CCDC7: variants seen among roughly 807,000 people sequenced by gnomAD.
CCDC7 encodes the protein coiled-coil domain-containing protein 7.
CCDC7 carries 183 observed loss-of-function variants against 196.9 expected under a neutral mutation model. The observed-to-expected ratio is 0.93, with a 90% CI of 0.82 to 1.05. The LOEUF is 1.05. Ranked by LOEUF, CCDC7 falls within the 50% of genes least tolerant of loss-of-function variation. CCDC7 has a pLI of 0.00. For synonymous variants in CCDC7, 525 were observed against 484.6 expected, an observed-to-expected ratio of 1.08 and a Z score of -1.10; for missense variants, 1,540 against 1,482.2, an observed-to-expected ratio of 1.04 and a Z score of -0.64.
At chr10:32,751,843 T>C (rs1055440341) in intron 28 of CCDC7, among the ~76,000 whole-genome samples, 2 of 152,150 alleles carry the variant, frequency 1.3e-5, no homozygotes, top group African/African-American at 2.4e-5. Flanking sequence ...TAGGATACTA[T>C]GGCAGTCGAA....
At chr10:32,613,847 G>A (rs1034426728) in intron 18 of CCDC7, among the ~76,000 whole-genome samples, 1 of 152,112 alleles carries the variant, frequency 6.6e-6, no homozygotes, top group Non-Finnish European at 1.5e-5. Flanking sequence ...GTGCAATATG[G>A]TGCTGAGAAG....
intron 31 of CCDC7, among the ~76,000 whole-genome samples, chr10:32,823,236 A>G (rs2090557096): frequency 6.6e-6 from 1 of 151,592 alleles, no homozygotes; most frequent in Admixed American, 6.6e-5. Context: ...TCCGCCTCCC[A>G]GGTTCAAGCA....
exon 23 of CCDC7, chr10:32,689,144 C>T (rs1464128206): frequency 1.3e-6 from 2 of 1,576,038 alleles, no homozygotes; most frequent in East Asian, 4.5e-5. Flanking sequence ...AAAGAACTCT[C>T]AAAGGGCAAA....
intron 32 of CCDC7, among the ~76,000 whole-genome samples, chr10:32,830,123 T>TATATATATATATATATATATATATGG (rs2091973539): frequency 8.0e-5 from 8 of 100,420 alleles, no homozygotes; most frequent in Non-Finnish European, 1.4e-4. Context: ...TATATAAGGA[T>TATATATATATATATATATATATATGG]ATATATATAT....
intron 41 of CCDC7, among the ~76,000 whole-genome samples, chr10:32,861,276 G>C (rs61856624): frequency 6.6e-6 from 1 of 152,130 alleles, no homozygotes; most frequent in Admixed American, 6.5e-5. Context: ...CACACATGTA[G>C]AACCATCTGA....
intron 16 of CCDC7, among the ~76,000 whole-genome samples, chr10:32,580,284 CT>C (rs2058617126): frequency 6.6e-6 from 1 of 152,108 alleles, no homozygotes; most frequent in African/African-American, 2.4e-5. Flanking sequence ...CATTTACAAA[CT>C]ATTTCTAAGC....
At chr10:32,456,422 T>G (rs897038569) in intron 3 of CCDC7, 88 bp downstream of exon 4, 16 of 1,031,554 alleles carry the variant, frequency 1.6e-5, no homozygotes, top group Non-Finnish European at 2.0e-5. Flanking sequence ...TCAGCCAACA[T>G]TAATCTAGAT....
intron 41 of CCDC7, among the ~76,000 whole-genome samples, chr10:32,860,685 C>G (rs1236444486): frequency 1.3e-5 from 2 of 152,202 alleles, no homozygotes; most frequent in Non-Finnish European, 2.9e-5. Context: ...GGCCCCAAAT[C>G]TCCTTAAGCT....
intron 23 of CCDC7, among the ~76,000 whole-genome samples, chr10:32,690,314 C>T (rs2141235951): frequency 6.6e-6 from 1 of 152,244 alleles, no homozygotes; most frequent in South Asian, 2.1e-4. Flanking sequence ...GGTCATTATG[C>T]ATTGATGACA....
At chr10:32,520,674 C>A (rs2135579412) in intron 11 of CCDC7, among the ~76,000 whole-genome samples, 1 of 152,024 alleles carries the variant, frequency 6.6e-6, no homozygotes, top group South Asian at 2.1e-4. Flanking sequence ...TGTGGGTTGT[C>A]TCTTCACTTT....
chr10:32,823,606 C>T (rs2090622445), intron 31 of CCDC7, among the ~76,000 whole-genome samples: 1 of 152,212 alleles, frequency 6.6e-6, no homozygotes, highest in Non-Finnish European at 1.5e-5. Context: ...AGGATCATTA[C>T]AGGTGTCCAA....
At chr10:32,584,567 C>T (rs1025768049) in intron 18 of CCDC7, among the ~76,000 whole-genome samples, 2 of 150,712 alleles carry the variant, frequency 1.3e-5, no homozygotes, top group Non-Finnish European at 3.0e-5. Flanking sequence ...CCCAGCCTAA[C>T]CAACATGATG....
chr10:32,845,542 G>C lies in CCDC7; in HGVS notation c.3437-1G>C, dbSNP rs2093236758. On this transcript the variant is annotated splice_acceptor_variant, in intron 34 of 41. Transcript: ENST00000639629. LOFTEE classifies it high-confidence loss of function. The stretch of plus-strand genomic sequence containing the variant: ...TACTGAAATCTGTTTTATTTCTATA[G>C]AGACTGATAAGAACTTCTTTGCCTA... 8 of 1,603,240 alleles carry C rather than the reference G, an allele frequency of 5.0e-6. No homozygotes were observed. The highest frequency in any genetic ancestry group is 6.8e-6 in the Non-Finnish European group (8 of 1,171,720).
intron 5 of CCDC7, among the ~76,000 whole-genome samples, chr10:32,469,504 A>C (rs2037507295): frequency 6.6e-6 from 1 of 152,216 alleles, no homozygotes; most frequent in Admixed American, 6.5e-5. Flanking sequence ...GGTGTCCATG[A>C]GGGTGGTACA....
At chr10:32,717,041 A>G (rs2081706912) in intron 25 of CCDC7, among the ~76,000 whole-genome samples, 3 of 152,236 alleles carry the variant, frequency 2.0e-5, no homozygotes, top group Non-Finnish European at 4.4e-5. Flanking sequence ...CCTAATAGAC[A>G]TCTACAGAAC....
rs183069317 is a variant in CCDC7, at chr10:32,671,887, T to C, written c.2122+7726T>C. Among the ~76,000 whole-genome samples, 467 of 152,322 alleles carry C rather than the reference T, an allele frequency of 3.1e-3. 2 individuals are homozygous for C. Among genetic ancestry groups the C allele is most frequent in the Non-Finnish European group, 5.2e-3 (356 of 68,014 alleles). On this transcript the variant is annotated intron_variant, in intron 21 of 41. Coordinates refer to ENST00000639629, the Ensembl canonical transcript of CCDC7. The stretch of plus-strand genomic sequence containing the variant: ...TTCGAGGATCCTCAGCAGCCAATGC[T>C]GTGAATGTTTGCAATTGTGGCAAAG...
intron 24 of CCDC7, among the ~76,000 whole-genome samples, chr10:32,698,896 T>TA (rs2078171604): frequency 6.6e-6 from 1 of 151,888 alleles, no homozygotes; most frequent in African/African-American, 2.4e-5. Flanking sequence ...CCAAGACACA[T>TA]AATTGTCAGA....
intron 29 of CCDC7, among the ~76,000 whole-genome samples, chr10:32,780,518 A>G (rs1245658333): frequency 1.3e-5 from 2 of 152,156 alleles, no homozygotes; most frequent in Non-Finnish European, 2.9e-5. Context: ...GCTGCATAAG[A>G]GTATACTTTT....
intron 21 of CCDC7, among the ~76,000 whole-genome samples, chr10:32,670,316 G>A (rs185651805): frequency 1.4e-4 from 22 of 151,838 alleles, no homozygotes; most frequent in East Asian, 1.4e-3. Flanking sequence ...AGATGATTTC[G>A]TTGTTTTTTA....
Sources: gnomAD v4.1 joint callset for allele counts (sites outside exome capture counted in the v4.1 genomes callset) on GRCh38, gnomAD v4.1.1 for gene constraint, MANE v1.5 for transcripts, NCBI Gene and HGNC (gene_info 2026-07-23, HGNC 2026-07-21) for gene names.